Variants in DNAJC1 observed in about 807,000 individuals in gnomAD.
The protein encoded by DNAJC1 is dnaJ homolog subfamily C member 1.
A neutral mutation model predicts 76.6 loss-of-function variants in DNAJC1; 58 were observed. That is an observed-to-expected ratio of 0.76 (90% CI 0.61 to 0.94). The LOEUF is 0.94. Ranked by LOEUF, DNAJC1 falls within the 40% of genes least tolerant of loss-of-function variation. The pLI, the probability that DNAJC1 is intolerant of heterozygous loss-of-function variation, is 0.00. For missense variants in DNAJC1, 689 were observed against 677.3 expected, an observed-to-expected ratio of 1.02 and a Z score of -0.19; for synonymous variants, 258 against 267.9, an observed-to-expected ratio of 0.96 and a Z score of 0.36.
At chr10:21,833,669 T>A (rs550240194) in intron 8 of DNAJC1, among the ~76,000 whole-genome samples, 13 of 152,204 alleles carry the variant, frequency 8.5e-5, no homozygotes, top group African/African-American at 3.1e-4. Flanking sequence ...AATAAGTTAA[T>A]ACACATGAAG....
Position 21,804,844 on chromosome 10 carries a change from A to AAAAAC in DNAJC1, c.1098+1131_1098+1135dup, listed in dbSNP as rs747133954. Among the ~76,000 whole-genome samples the AAAAAC allele has an allele frequency of 3.0e-3, 456 of 152,084 alleles. 4 individuals carry two copies. The highest frequency in any genetic ancestry group is 4.5e-3 in the Non-Finnish European group (307 of 67,980). On this transcript the variant is annotated intron_variant, in intron 9 of 11. Coordinates refer to ENST00000376980, the MANE Select transcript of DNAJC1 (RefSeq NM_022365.4). ...AAAATTCTCAAAGCAGGTCCATTGC[A>AAAAAC]AAAACAAAACAAAACAATACAAAAC... is the stretch of plus-strand genomic sequence containing the variant.
At chr10:21,928,481 T>C in intron 3 of DNAJC1, 25 bp downstream of exon 3, 1 of 1,604,196 alleles carries the variant, frequency 6.2e-7, no homozygotes, top group Non-Finnish European at 8.5e-7. Context: ...AACATCTTAA[T>C]TCAAAAGCAG....
chr10:21,759,707 A>G, intron 10 of DNAJC1, 89 bp from the exon 11 acceptor site: 1 of 1,255,132 alleles, frequency 8.0e-7, no homozygotes, highest in Non-Finnish European at 1.1e-6. Flanking sequence ...CAGAGCAGGC[A>G]GCGCACTAGG....
intron 8 of DNAJC1, among the ~76,000 whole-genome samples, chr10:21,855,920 T>G (rs1279587100): frequency 6.6e-6 from 1 of 152,090 alleles, no homozygotes; most frequent in Non-Finnish European, 1.5e-5. Context: ...TACAGAATAA[T>G]ATAACAGATG....
chr10:21,925,089 A>T (rs903474887), intron 3 of DNAJC1, among the ~76,000 whole-genome samples: 1 of 151,968 alleles, frequency 6.6e-6, no homozygotes, highest in Non-Finnish European at 1.5e-5. Flanking sequence ...CAATCCTCCC[A>T]TCTCAGCATC....
At chr10:21,760,085 C>T (rs993957574) in intron 10 of DNAJC1, among the ~76,000 whole-genome samples, 3 of 152,146 alleles carry the variant, frequency 2.0e-5, no homozygotes, top group Non-Finnish European at 4.4e-5. Context: ...ATAGTAGCTA[C>T]AGTAAGAATT....
chr10:21,893,059 C>A (rs1836483888), intron 7 of DNAJC1, among the ~76,000 whole-genome samples: 1 of 152,168 alleles, frequency 6.6e-6, no homozygotes, highest in African/African-American at 2.4e-5. Context: ...CAATTCACCA[C>A]AGCAGAATAC....
intron 3 of DNAJC1, among the ~76,000 whole-genome samples, chr10:21,928,267 C>T (rs1047748785): frequency 2.6e-5 from 4 of 152,066 alleles, no homozygotes; most frequent in Admixed American, 1.3e-4. Flanking sequence ...TAAGGAAGCC[C>T]GGACTTGCTA....
chr10:21,902,760 T>TA (rs1836680162), intron 7 of DNAJC1, among the ~76,000 whole-genome samples: 1 of 152,202 alleles, frequency 6.6e-6, no homozygotes, highest in Non-Finnish European at 1.5e-5. Flanking sequence ...GGGTAGTGTA[T>TA]ATACTTAGTC....
At chr10:22,002,904 A>G (rs1838545025) in intron 1 of DNAJC1, among the ~76,000 whole-genome samples, 1 of 151,606 alleles carries the variant, frequency 6.6e-6, no homozygotes, top group African/African-American at 2.4e-5. Flanking sequence ...TTCTTCCTCC[A>G]GCACAGCTGG....
At chr10:21,796,607 CTTTT>C (rs1269383717) in intron 9 of DNAJC1, among the ~76,000 whole-genome samples, 15 of 152,188 alleles carry the variant, frequency 9.9e-5, no homozygotes, top group Middle Eastern at 6.8e-3. Context: ...GCCAACACTT[CTTTT>C]TGTTTTGTTT....
At chr10:21,808,035 G>C (rs543994393) in intron 8 of DNAJC1, among the ~76,000 whole-genome samples, 1 of 152,218 alleles carries the variant, frequency 6.6e-6, no homozygotes, top group South Asian at 2.1e-4. Context: ...AAAGACTTAA[G>C]TTTTAGGCAG....
At chr10:22,002,858 TA>T (rs555296824) in intron 1 of DNAJC1, among the ~76,000 whole-genome samples, 7,493 of 137,078 alleles carry the variant, frequency 0.055, 311 homozygotes, top group African/African-American at 0.12. Context: ...GGTGTTAAAT[TA>T]AAAAAAAAAA....
chr10:21,840,231 A>T (rs1835551211), intron 8 of DNAJC1, among the ~76,000 whole-genome samples: 1 of 152,210 alleles, frequency 6.6e-6, no homozygotes, highest in South Asian at 2.1e-4. Flanking sequence ...TAGTCAACAT[A>T]GTGCTGGAAG....
At chr10:21,799,695 C>T (rs935141966) in intron 9 of DNAJC1, among the ~76,000 whole-genome samples, 5 of 152,260 alleles carry the variant, frequency 3.3e-5, no homozygotes, top group Non-Finnish European at 7.4e-5. Context: ...CCCAGGGTCC[C>T]TATCATGCCG....
At chr10:21,836,885 C>G (rs1835469075) in intron 8 of DNAJC1, among the ~76,000 whole-genome samples, 1 of 151,998 alleles carries the variant, frequency 6.6e-6, no homozygotes. Flanking sequence ...AATGGGAGAG[C>G]TCCCTCTCCC....
chr10:21,925,277 G>A (rs113466841), intron 3 of DNAJC1, among the ~76,000 whole-genome samples: 3,928 of 152,236 alleles, frequency 0.026, 74 homozygotes, highest in Non-Finnish European at 0.042. Flanking sequence ...CTCCCAAAGC[G>A]TTGGGATTAC....
intron 8 of DNAJC1, among the ~76,000 whole-genome samples, chr10:21,808,353 TGA>T: frequency 6.6e-6 from 1 of 152,206 alleles, no homozygotes; most frequent in East Asian, 1.9e-4. Flanking sequence ...ATTAGATTAA[TGA>T]GTGTGTAAAA....
chr10:21,821,864 G>C (rs1004078942), intron 8 of DNAJC1, among the ~76,000 whole-genome samples: 5 of 150,662 alleles, frequency 3.3e-5, no homozygotes, highest in African/African-American at 1.2e-4. Context: ...AAACAACTGA[G>C]ACTAAAATAA....
Sources: gnomAD v4.1 joint callset for allele counts (sites outside exome capture counted in the v4.1 genomes callset) on GRCh38, gnomAD v4.1.1 for gene constraint, MANE v1.5 for transcripts, NCBI Gene and HGNC (gene_info 2026-07-23, HGNC 2026-07-21) for gene names.